The following FAT3 variants were observed in gnomAD, a reference collection of about 807,000 sequenced individuals.
FAT3 encodes protocadherin Fat 3.
Under a neutral mutation model 310.2 loss-of-function variants are expected in FAT3, and 95 were observed. That is an observed-to-expected ratio of 0.31 (90% confidence interval 0.26 to 0.36). The LOEUF (loss-of-function observed/expected upper bound fraction) is 0.36. Ranked by LOEUF, FAT3 falls within the 10% of genes least tolerant of loss-of-function variation. FAT3 has a pLI of 1.00. For missense variants in FAT3, 5,408 were observed against 5,715.6 expected (o/e 0.95, Z 1.74); for synonymous variants, 2,314 against 2,192.9 (o/e 1.06, Z -1.54).
intron 2 of FAT3, among the ~76,000 whole-genome samples, chr11:92,501,639 C>T (rs1952942841): frequency 6.6e-6 from 1 of 151,632 alleles, no homozygotes; most frequent in Non-Finnish European, 1.5e-5. Flanking sequence ...TTCCTCCTGT[C>T]TTTCTCTCTT....
At chr11:92,490,982 C>T (rs527467281) in intron 2 of FAT3, among the ~76,000 whole-genome samples, 53 of 152,058 alleles carry the variant, frequency 3.5e-4, no homozygotes, top group Middle Eastern at 3.4e-3. Flanking sequence ...TCCTTGACCT[C>T]GGTGGCATAA....
chr11:92,471,914 G>GATAT (rs1591334645), intron 2 of FAT3, among the ~76,000 whole-genome samples: 3 of 62,914 alleles, frequency 4.8e-5, no homozygotes, highest in Non-Finnish European at 6.4e-5. Context: ...CTTTTCATAT[G>GATAT]CTATATATAT....
chr11:92,345,211 T>G (rs117054205), intron 1 of FAT3, among the ~76,000 whole-genome samples: 1,944 of 152,208 alleles, frequency 0.013, 23 homozygotes, highest in Non-Finnish European at 0.019. Flanking sequence ...TAATGGTGTA[T>G]GCTGACTAGC....
rs752075525 is a variant in FAT3, at chr11:92,764,952, C to T, written c.4058C>T (p.Pro1353Leu). Residue 1353 changes from proline to leucine, a missense_variant, in exon 6 of 28, where the codon CCA becomes CTA. Physicochemically the swap from Pro to Leu is moderately conservative, Grantham distance 98. Around this residue, in one of 5 missense-constraint regions of FAT3, gnomAD observed 4,588 missense variants for 4,809.8 expected, o/e 0.95. Coordinates refer to ENST00000525166, the MANE Select transcript of FAT3 (RefSeq NM_001367949.2). Reference protein sequence around the residue: ...ARLHIEWIKKPPPSPIPLTFD... With the variant: ...ARLHIEWIKKLPPSPIPLTFD... ...CTCCACATTGAATGGATTAAGAAAC[C>T]ACCCCCTTCACCTATACCATTGACC... 7 of 1,613,654 alleles carry T rather than the reference C, an allele frequency of 4.3e-6. No individual in the cohort carries two copies. The African/African-American group carries it at 8.0e-5, about 18-fold the overall frequency.
rs1356222649 is a variant in FAT3 at position 92,892,117 on chromosome 11, A to T, written c.*1004A>T. 6.6e-6 allele frequency: 1 copy of T among 152,236 alleles called. No individual in the cohort carries two copies. Among genetic ancestry groups the T allele is most frequent in the African/African-American group, 2.4e-5 (1 of 41,464 alleles). The allele number at this position is 152,236 out of a possible 1,614,324, so 9.4% of individuals were successfully genotyped here. On this transcript the variant is annotated 3_prime_UTR_variant, in exon 28 of 28. Transcript: ENST00000525166. ...ATTCTAAATCGGTAGCATCACCATT[A>T]TAAATACAATTATGTTAAGAAAAGA...
At chr11:92,239,135 C>T (rs1054787993) in intron 1 of FAT3, among the ~76,000 whole-genome samples, 65 of 151,914 alleles carry the variant, frequency 4.3e-4, no homozygotes, top group Non-Finnish European at 8.8e-5. Flanking sequence ...AGTGACTTGC[C>T]CAAGGTAACA....
At chr11:92,702,386 G>A (rs1944124816) in intron 4 of FAT3, among the ~76,000 whole-genome samples, 1 of 152,206 alleles carries the variant, frequency 6.6e-6, no homozygotes, top group South Asian at 2.1e-4. Flanking sequence ...CATGGATGTA[G>A]AGACAGGAAG....
At chr11:92,261,991 T>C (rs1427219189) in intron 1 of FAT3, among the ~76,000 whole-genome samples, 1 of 150,746 alleles carries the variant, frequency 6.6e-6, no homozygotes. Context: ...TACTCTCTCT[T>C]TTTTTTTTAA....
intron 2 of FAT3, among the ~76,000 whole-genome samples, chr11:92,369,501 TG>T (rs2134709599): frequency 6.6e-6 from 1 of 152,272 alleles, no homozygotes; most frequent in African/African-American, 2.4e-5. Flanking sequence ...TCTGGCTCTT[TG>T]GTGTCTCTGT....
chr11:92,723,584 A>G (rs1160645389), intron 4 of FAT3, among the ~76,000 whole-genome samples: 2 of 152,214 alleles, frequency 1.3e-5, no homozygotes, highest in Non-Finnish European at 2.9e-5. Context: ...AATTTACTGT[A>G]TTAGTCTGTT....
intron 2 of FAT3, among the ~76,000 whole-genome samples, chr11:92,424,962 C>A (rs1950599384): frequency 6.6e-6 from 1 of 152,052 alleles, no homozygotes; most frequent in Non-Finnish European, 1.5e-5. Context: ...TGATTACATA[C>A]TTTTATGTCT....
At chr11:92,391,617 T>C (rs138908150) in intron 2 of FAT3, among the ~76,000 whole-genome samples, 331 of 152,304 alleles carry the variant, frequency 2.2e-3, no homozygotes, top group Non-Finnish European at 3.5e-3. Flanking sequence ...TCCTTATTAT[T>C]TGTATGTAGT....
In FAT3 at chr11:92,799,144, G is replaced by T; in HGVS notation, c.6131G>T (p.Arg2044Leu). 1.9e-6 allele frequency: 3 copies of T among 1,613,922 alleles called. No homozygotes were observed. Among genetic ancestry groups the T allele is most frequent in the Non-Finnish European group, 1.7e-6 (2 of 1,179,876 alleles). ...VIQTTGVPFD[R>L]EEQELYELVV... is the part of the protein sequence containing the mutation. Reference sequence around the variant, plus strand: ...CAGACGACTGGAGTCCCCTTTGACCGTGAAGAACAAGAGTTATATGAGCTG... The same window carrying T: ...CAGACGACTGGAGTCCCCTTTGACCTTGAAGAACAAGAGTTATATGAGCTG... The change falls in exon 10 of 28, where the codon CGT becomes CTT. Residue 2044 changes from arginine to leucine, a missense_variant. Physicochemically the swap from Arg to Leu is moderately radical, Grantham distance 102. This residue lies in a region of FAT3 where 4,588 missense variants were observed against 4,809.8 expected (regional missense o/e 0.95). Transcript: ENST00000525166.
At chr11:92,646,832 T>C (rs74940895) in intron 3 of FAT3, among the ~76,000 whole-genome samples, 3,269 of 152,296 alleles carry the variant, frequency 0.021, 104 homozygotes, top group African/African-American at 0.074. Context: ...TAGTTTGCAG[T>C]ACATTAGTGA....
At chr11:92,790,501 G>A (rs2136157097) in intron 8 of FAT3, among the ~76,000 whole-genome samples, 1 of 152,304 alleles carries the variant, frequency 6.6e-6, no homozygotes, top group South Asian at 2.1e-4. Flanking sequence ...GAAGGAACAG[G>A]TCATGTTCCC....
intron 2 of FAT3, among the ~76,000 whole-genome samples, chr11:92,442,275 G>A (rs1007258641): frequency 4.0e-5 from 6 of 148,494 alleles, no homozygotes; most frequent in South Asian, 4.2e-4. Context: ...CACCACGCCC[G>A]GCTAATTTTT....
At chr11:92,334,994 A>G (rs560301048) in intron 1 of FAT3, among the ~76,000 whole-genome samples, 1 of 152,336 alleles carries the variant, frequency 6.6e-6, no homozygotes. Flanking sequence ...TGAGCTCTGC[A>G]TATATTACAA....
At chr11:92,523,532 G>C (rs112612075) in intron 2 of FAT3, among the ~76,000 whole-genome samples, 1 of 152,228 alleles carries the variant, frequency 6.6e-6, no homozygotes, top group East Asian at 1.9e-4. Flanking sequence ...CTTATGCAGG[G>C]TCTATAGGCT....
intron 4 of FAT3, among the ~76,000 whole-genome samples, chr11:92,726,054 G>A (rs1164383375): frequency 6.6e-6 from 1 of 152,028 alleles, no homozygotes; most frequent in Non-Finnish European, 1.5e-5. Context: ...CAATGACACT[G>A]ATTTGGTCTT....
Sources: allele counts gnomAD v4.1 joint callset (sites outside exome capture counted in the v4.1 genomes callset), GRCh38; gene constraint gnomAD v4.1.1; regional missense constraint gnomAD v4.1.1; transcripts MANE v1.5; gene names NCBI Gene and HGNC (gene_info 2026-07-23, HGNC 2026-07-21).